The following PCDH15 variants were observed in gnomAD, a reference collection of about 807,000 sequenced individuals.
PCDH15 encodes protocadherin-15.
A neutral mutation model predicts 178.5 loss-of-function variants in PCDH15; 129 were observed. That is an observed-to-expected ratio of 0.72 (90% CI 0.63 to 0.84). The LOEUF (loss-of-function observed/expected upper bound fraction) is 0.84, where lower values mean the gene tolerates loss of function less well. Ranked by LOEUF, PCDH15 falls within the 40% of genes least tolerant of loss-of-function variation. PCDH15 has a pLI of 0.00. For missense variants in PCDH15, 2,230 were observed against 2,099.9 expected, an observed-to-expected ratio of 1.06 and a Z score of -1.21; for synonymous variants, 800 against 732.0, an observed-to-expected ratio of 1.09 and a Z score of -1.50.
intron 3 of PCDH15, among the ~76,000 whole-genome samples, chr10:54,496,872 T>A (rs972605568): frequency 5.3e-5 from 8 of 152,152 alleles, no homozygotes; most frequent in African/African-American, 1.9e-4. Flanking sequence ...CCTTGTTGTA[T>A]CCATAACTTT....
At chr10:53,921,588 G>A (rs1020310211) in intron 25 of PCDH15, among the ~76,000 whole-genome samples, 1 of 152,234 alleles carries the variant, frequency 6.6e-6, no homozygotes, top group Admixed American at 6.5e-5. Flanking sequence ...ACCTTCAGAT[G>A]TGTGATCCTT....
At chr10:53,922,557 T>TC (rs1487592512) in intron 25 of PCDH15, among the ~76,000 whole-genome samples, 66 of 152,318 alleles carry the variant, frequency 4.3e-4, no homozygotes, top group African/African-American at 1.4e-3. Flanking sequence ...ATCTACTTTT[T>TC]CTCTGCTTTT....
chr10:53,946,542 A>G (rs2086591482), intron 23 of PCDH15, among the ~76,000 whole-genome samples: 1 of 152,058 alleles, frequency 6.6e-6, no homozygotes, highest in South Asian at 2.1e-4. Flanking sequence ...AGTTTCCTCT[A>G]TGTCTTTTTG....
chr10:54,587,210 G>T (rs2091535236), intron 2 of PCDH15, among the ~76,000 whole-genome samples: 1 of 152,116 alleles, frequency 6.6e-6, no homozygotes, highest in South Asian at 2.1e-4. Flanking sequence ...TTCATCACAT[G>T]CAGACAGAAA....
chr10:55,350,246 T>C (rs1008986865), intron 2 of PCDH15, among the ~76,000 whole-genome samples: 1 of 62,290 alleles, frequency 1.6e-5, no homozygotes, highest in East Asian at 4.0e-4. Flanking sequence ...TATATATATA[T>C]ATATATATAT....
In PCDH15 at chr10:54,365,360, C is replaced by T. The variant is rs1008126223; in HGVS notation, c.474+3760G>A. Among the ~76,000 whole-genome samples, 5 of 152,142 alleles carry T rather than the reference C, an allele frequency of 3.3e-5. 1 individual carries two copies. Among genetic ancestry groups the T allele is most frequent in the South Asian group, 4.1e-4 (2 of 4,820 alleles). On this transcript the variant is annotated intron_variant, in intron 5 of 37. Transcript: ENST00000644397. ...TATAGATATAGCTCCATAAACAATA[C>T]ATTTTAATTTATTTTAATATACTAT...
chr10:54,374,268 C>T (rs1948093774), intron 4 of PCDH15, among the ~76,000 whole-genome samples: 1 of 152,034 alleles, frequency 6.6e-6, no homozygotes. Flanking sequence ...GGACACTGGC[C>T]TGGGCAGGGG....
intron 2 of PCDH15, among the ~76,000 whole-genome samples, chr10:55,142,318 G>C (rs1181682806): frequency 6.6e-6 from 1 of 152,096 alleles, no homozygotes; most frequent in East Asian, 1.9e-4. Flanking sequence ...TAATAGTTTA[G>C]ATTGGCTGAA....
intron 2 of PCDH15, among the ~76,000 whole-genome samples, chr10:55,617,788 C>G (rs935615151): frequency 1.3e-5 from 2 of 151,936 alleles, no homozygotes; most frequent in African/African-American, 4.8e-5. Context: ...CATTGGGTAA[C>G]GACATTTTGG....
intron 2 of PCDH15, among the ~76,000 whole-genome samples, chr10:55,159,130 T>C (rs1321047359): frequency 7.2e-5 from 11 of 151,902 alleles, no homozygotes; most frequent in Non-Finnish European, 2.9e-5. Context: ...GGGATTATAT[T>C]TCAGATCTTC....
chr10:54,146,919 A>AGT (rs1200721654), intron 14 of PCDH15, among the ~76,000 whole-genome samples: 57 of 145,268 alleles, frequency 3.9e-4, no homozygotes, highest in East Asian at 7.9e-4. Flanking sequence ...GTATATATAT[A>AGT]GTGTATATAT....
At chr10:54,809,404 G>A (rs1023755177) in intron 3 of PCDH15, among the ~76,000 whole-genome samples, 3 of 151,960 alleles carry the variant, frequency 2.0e-5, no homozygotes, top group East Asian at 1.9e-4. Flanking sequence ...AAGACATTCC[G>A]GCAAAAAATG....
intron 8 of PCDH15, among the ~76,000 whole-genome samples, chr10:54,313,138 T>C (rs2133541734): frequency 6.6e-6 from 1 of 152,228 alleles, no homozygotes; most frequent in African/African-American, 2.4e-5. Flanking sequence ...AAATATTTAT[T>C]GATCTTCAGT....
chr10:55,546,784 A>G (rs1198157614), intron 2 of PCDH15, among the ~76,000 whole-genome samples: 1 of 152,148 alleles, frequency 6.6e-6, no homozygotes, highest in African/African-American at 2.4e-5. Flanking sequence ...AAATAGTACT[A>G]GTCACTAGAA....
rs914067227 is a variant in PCDH15 at position 55,086,315 on chromosome 10, A to C, written c.-80+80261T>G. Among the ~76,000 whole-genome samples the C allele has an allele frequency of 2.9e-4, 44 of 152,004 alleles. 1 individual carries two copies. The highest frequency in any genetic ancestry group is 5.9e-4 in the Non-Finnish European group (40 of 67,926). On this transcript the variant is annotated intron_variant, in intron 2 of 5. Transcript: ENST00000458638. ...TCTATTGGTACAACATATAAGAGAA[A>C]TATATATGTATATATAAGATTGTCT...
chr10:55,105,802 G>A (rs975815958), intron 2 of PCDH15, among the ~76,000 whole-genome samples: 1 of 152,028 alleles, frequency 6.6e-6, no homozygotes, highest in Non-Finnish European at 1.5e-5. Flanking sequence ...ATGTATGGTA[G>A]TTAGACATTT....
At chr10:55,353,455 AT>A (rs752750193) in intron 2 of PCDH15, among the ~76,000 whole-genome samples, 1 of 152,320 alleles carries the variant, frequency 6.6e-6, no homozygotes, top group African/African-American at 2.4e-5. Context: ...TAAATAAAAA[AT>A]ATCCTGGTTC....
chr10:55,408,573 C>CA (rs2132032704), intron 2 of PCDH15, among the ~76,000 whole-genome samples: 1 of 151,922 alleles, frequency 6.6e-6, no homozygotes, highest in East Asian at 1.9e-4. Context: ...TTGAGAAGCC[C>CA]AAATCAAATA....
At chr10:54,609,716 T>G (rs1327256947) in intron 2 of PCDH15, among the ~76,000 whole-genome samples, 2 of 152,006 alleles carry the variant, frequency 1.3e-5, no homozygotes, top group African/African-American at 2.4e-5. Flanking sequence ...TTATATGTAC[T>G]GGTGTAAAGC....
Sources: gnomAD v4.1 joint callset for allele counts (sites outside exome capture counted in the v4.1 genomes callset) on GRCh38, gnomAD v4.1.1 for gene constraint, MANE v1.5 for transcripts, NCBI Gene and HGNC (gene_info 2026-07-23, HGNC 2026-07-21) for gene names.